The following MND1 variants were observed in gnomAD, a reference collection of about 807,000 sequenced individuals.
MND1 encodes meiotic nuclear divisions 1, also known as meiotic nuclear division protein 1 homolog.
In MND1, 28 loss-of-function variants were observed where a neutral mutation model predicts 35.1. The ratio of observed to expected loss-of-function variants is 0.80; its 90% CI spans 0.59 to 1.09. The LOEUF (loss-of-function observed/expected upper bound fraction) is 1.09, where lower values mean the gene tolerates loss of function less well. MND1 is among the 50% of genes least tolerant of loss of function. MND1 has a pLI of 0.00. For synonymous variants in MND1, 69 were observed against 70.5 expected, an observed-to-expected ratio of 0.98 and a Z score of 0.11; for missense variants, 213 against 239.6, an observed-to-expected ratio of 0.89 and a Z score of 0.73.
rs1320416873 is a variant in MND1 at position 153,362,910 on chromosome 4, A to T, written c.276+4288A>T. 4.3e-6 allele frequency: 3 copies of T among 690,340 alleles called. No individual in the cohort carries two copies. The South Asian group carries it at 2.0e-4, about 45-fold the overall frequency. 42.8% of individuals were successfully genotyped at this position (690,340 alleles called of 1,614,324 possible). ...TTACAGTTCCACCGCCTCATGTTTT[A>T]TACAGGATGAGTACTGCATAAAATT... is the stretch of plus-strand genomic sequence containing the variant. On this transcript the variant is annotated intron_variant, in intron 4 of 7. Transcript: ENST00000240488.
At chr4:153,404,174 CTTTTTT>C (rs71598277) in intron 6 of MND1, among the ~76,000 whole-genome samples, 48 of 73,776 alleles carry the variant, frequency 6.5e-4, no homozygotes, top group Non-Finnish European at 8.1e-4. Context: ...AAAATTGGTT[CTTTTTT>C]TTTTTTTTTT....
At chr4:153,385,624 G>C (rs1417533616) in intron 4 of MND1, among the ~76,000 whole-genome samples, 1 of 150,956 alleles carries the variant, frequency 6.6e-6, no homozygotes, top group Admixed American at 6.6e-5. Context: ...GCTGAGGTGG[G>C]AGGATTGCTT....
intron 7 of MND1, among the ~76,000 whole-genome samples, chr4:153,409,461 A>T (rs1729620975): frequency 6.6e-6 from 1 of 152,088 alleles, no homozygotes. Flanking sequence ...TATCTCCATG[A>T]TAATCTTGAG....
chr4:153,351,366 A>C (rs572297343), intron 2 of MND1, among the ~76,000 whole-genome samples: 59 of 152,352 alleles, frequency 3.9e-4, no homozygotes, highest in Admixed American at 7.2e-4. Context: ...GAGGTTTTCC[A>C]TAAAGCTGGG....
intron 4 of MND1, among the ~76,000 whole-genome samples, chr4:153,360,272 T>C (rs1178299668): frequency 6.6e-6 from 1 of 152,230 alleles, no homozygotes; most frequent in Non-Finnish European, 1.5e-5. Context: ...CTGTGACTTA[T>C]CTTTTCATTA....
intron 1 of MND1, chr4:153,345,556 T>C: frequency 1.0e-6 from 1 of 984,846 alleles, no homozygotes; most frequent in Non-Finnish European, 1.2e-6. Flanking sequence ...CAAATCATTT[T>C]CATAAACCTT....
intron 6 of MND1, among the ~76,000 whole-genome samples, chr4:153,408,501 G>A (rs572000859): frequency 3.9e-5 from 6 of 152,100 alleles, no homozygotes; most frequent in Middle Eastern, 3.4e-3. Flanking sequence ...AATACTTCCC[G>A]CTATGAGATT....
intron 4 of MND1, among the ~76,000 whole-genome samples, chr4:153,366,515 A>G (rs1196267408): frequency 6.6e-6 from 1 of 152,236 alleles, no homozygotes; most frequent in Non-Finnish European, 1.5e-5. Flanking sequence ...CAAGTAGACA[A>G]TTAAATATAT....
At chr4:153,413,539 A>G (rs1248597482) in intron 7 of MND1, among the ~76,000 whole-genome samples, 1 of 151,948 alleles carries the variant, frequency 6.6e-6, no homozygotes, top group Non-Finnish European at 1.5e-5. Context: ...GTTGCCGGGT[A>G]TGGTGGTGCA....
At chr4:153,394,863 G>C (rs1344161139) in intron 5 of MND1, among the ~76,000 whole-genome samples, 2 of 151,924 alleles carry the variant, frequency 1.3e-5, no homozygotes, top group African/African-American at 4.8e-5. Context: ...ATTTTTTAAA[G>C]TACAATATTT....
At chr4:153,360,602 G>A (rs111923272) in intron 4 of MND1, among the ~76,000 whole-genome samples, 136 of 145,598 alleles carry the variant, frequency 9.3e-4, no homozygotes, top group African/African-American at 2.5e-3. Flanking sequence ...GTGTGTGTGT[G>A]TGTGTATATA....
intron 4 of MND1, among the ~76,000 whole-genome samples, chr4:153,386,461 G>A (rs977786880): frequency 1.3e-5 from 2 of 152,050 alleles, no homozygotes; most frequent in African/African-American, 4.8e-5. Context: ...TTGCACTAGT[G>A]CATTCCAGCC....
rs1728531754 is a variant in MND1 at position 153,377,050 on chromosome 4, T to TA, written c.277-17211dup. On this transcript the variant is annotated intron_variant, in intron 4 of 7. Coordinates refer to ENST00000240488, the MANE Select transcript of MND1 (RefSeq NM_032117.4). Reference sequence around the variant, plus strand: ...TTATTTAAAGTTAATGGGTCAGAATTATGAAAATCAAAATCTTTATTTTGT... The same window carrying TA: ...TTATTTAAAGTTAATGGGTCAGAATTAATGAAAATCAAAATCTTTATTTTGT... Among the ~76,000 whole-genome samples, 4 of 152,322 alleles carry TA rather than the reference T, an allele frequency of 2.6e-5. No homozygotes were observed. In the South Asian group the frequency reaches 8.3e-4, roughly 32 times the overall value.
intron 4 of MND1, chr4:153,361,709 G>A: frequency 2.8e-6 from 1 of 363,344 alleles, no homozygotes. Flanking sequence ...GTGGTGGTGG[G>A]TGCCTGTAGT....
intron 4 of MND1, among the ~76,000 whole-genome samples, chr4:153,359,989 G>GTT (rs1773442003): frequency 6.6e-6 from 1 of 151,984 alleles, no homozygotes; most frequent in African/African-American, 2.4e-5. Context: ...GTTTCACCAT[G>GTT]ATGGCCAAGC....
chr4:153,407,856 G>A (rs1047213028), intron 6 of MND1, among the ~76,000 whole-genome samples: 2 of 152,204 alleles, frequency 1.3e-5, no homozygotes, highest in African/African-American at 2.4e-5. Flanking sequence ...GTTAGTAGTT[G>A]CCAGGGGACG....
intron 4 of MND1, among the ~76,000 whole-genome samples, chr4:153,359,545 C>G (rs1038937869): frequency 6.6e-6 from 1 of 152,104 alleles, no homozygotes; most frequent in Non-Finnish European, 1.5e-5. Flanking sequence ...CATTTAGTAC[C>G]AAGGAGCGTG....
At chr4:153,345,867 T>C (rs1349490671) in intron 1 of MND1, among the ~76,000 whole-genome samples, 3 of 152,238 alleles carry the variant, frequency 2.0e-5, no homozygotes, top group Non-Finnish European at 4.4e-5. Flanking sequence ...GCAGTGCCCT[T>C]CTGTGTTACA....
At chr4:153,405,346 T>C (rs949972045) in intron 6 of MND1, among the ~76,000 whole-genome samples, 2 of 152,058 alleles carry the variant, frequency 1.3e-5, no homozygotes, top group African/African-American at 4.8e-5. Flanking sequence ...GAGACCATCC[T>C]GGCTAACACG....
Sources: allele counts gnomAD v4.1 joint callset (sites outside exome capture counted in the v4.1 genomes callset), GRCh38; gene constraint gnomAD v4.1.1; transcripts MANE v1.5; gene names NCBI Gene and HGNC (gene_info 2026-07-23, HGNC 2026-07-21).